The following PCDH9 variants were observed in gnomAD, a reference collection of about 807,000 sequenced individuals.
PCDH9 encodes protocadherin 9.
In PCDH9, 24 loss-of-function variants were observed where a neutral mutation model predicts 70.6. The observed-to-expected ratio is 0.34, with a 90% CI of 0.25 to 0.48. The LOEUF (loss-of-function observed/expected upper bound fraction) is 0.48, where lower values mean the gene tolerates loss of function less well. PCDH9 is among the 20% of genes least tolerant of loss of function. PCDH9 has a pLI of 0.99. For missense variants in PCDH9, 1,281 were observed against 1,503.6 expected, an observed-to-expected ratio of 0.85 and a Z score of 2.45; for synonymous variants, 562 against 558.5, an observed-to-expected ratio of 1.01 and a Z score of -0.09.
At chr13:66,876,034 T>G (rs2081801080) in intron 3 of PCDH9, among the ~76,000 whole-genome samples, 1 of 152,152 alleles carries the variant, frequency 6.6e-6, no homozygotes, top group Non-Finnish European at 1.5e-5. Flanking sequence ...CATCAAGACA[T>G]TAAATATCTT....
intron 3 of PCDH9, among the ~76,000 whole-genome samples, chr13:66,874,356 C>A (rs2081757897): frequency 6.6e-6 from 1 of 152,112 alleles, no homozygotes; most frequent in Non-Finnish European, 1.5e-5. Context: ...TTGAACATCA[C>A]ATGTAAGACT....
At chr13:67,193,500 G>A (rs1216019852) in intron 2 of PCDH9, among the ~76,000 whole-genome samples, 1 of 151,936 alleles carries the variant, frequency 6.6e-6, no homozygotes, top group Admixed American at 6.6e-5. Flanking sequence ...AGGAAAGTAA[G>A]CACAATATCT....
chr13:66,994,973 G>A (rs895240445), intron 2 of PCDH9, among the ~76,000 whole-genome samples: 2 of 152,094 alleles, frequency 1.3e-5, no homozygotes, highest in Non-Finnish European at 2.9e-5. Flanking sequence ...GAACATGCCT[G>A]CAATGAAAAA....
chr13:66,852,100 C>A (rs1020796550), intron 3 of PCDH9, among the ~76,000 whole-genome samples: 1 of 152,010 alleles, frequency 6.6e-6, no homozygotes, highest in Admixed American at 6.6e-5. Context: ...GCAATAAAGG[C>A]CCTATCTCCA....
chr13:66,445,594 T>TATATACACATATATATTA (rs1958067236), intron 4 of PCDH9, among the ~76,000 whole-genome samples: 1 of 132,854 alleles, frequency 7.5e-6, no homozygotes, highest in African/African-American at 3.2e-5. Context: ...CACATATATA[T>TATATACACATATATATTA]TATATACACA....
chr13:67,082,707 T>C (rs1455623881), intron 2 of PCDH9, among the ~76,000 whole-genome samples: 1 of 152,212 alleles, frequency 6.6e-6, no homozygotes, highest in Admixed American at 6.5e-5. Flanking sequence ...ATATCCAATT[T>C]ATTTCTTAAA....
chr13:67,188,226 A>C (rs527835095), intron 2 of PCDH9, among the ~76,000 whole-genome samples: 1 of 152,298 alleles, frequency 6.6e-6, no homozygotes, highest in East Asian at 1.9e-4. Context: ...TGAAATGGCA[A>C]GTCGCTTACC....
intron 2 of PCDH9, among the ~76,000 whole-genome samples, chr13:67,172,540 A>G (rs1423039769): frequency 6.6e-6 from 1 of 152,136 alleles, no homozygotes; most frequent in Admixed American, 6.5e-5. Flanking sequence ...AATTGAAGTG[A>G]TAACAGGGGC....
intron 3 of PCDH9, among the ~76,000 whole-genome samples, chr13:66,696,880 T>C (rs923615906): frequency 1.3e-5 from 2 of 151,154 alleles, no homozygotes; most frequent in Non-Finnish European, 2.9e-5. Flanking sequence ...GATGGGAGAT[T>C]GCTTGAGTCC....
intron 4 of PCDH9, among the ~76,000 whole-genome samples, chr13:66,521,329 C>T (rs1017756351): frequency 6.6e-6 from 1 of 152,012 alleles, no homozygotes; most frequent in Non-Finnish European, 1.5e-5. Flanking sequence ...TATTTTCCTG[C>T]ACAATTTGAA....
At chr13:66,724,464 A>G (rs917677950) in intron 3 of PCDH9, among the ~76,000 whole-genome samples, 1 of 152,098 alleles carries the variant, frequency 6.6e-6, no homozygotes, top group Non-Finnish European at 1.5e-5. Context: ...TTCCACCTCT[A>G]TTTACTCCCA....
Position 66,881,816 on chromosome 13 carries a change from CAG to C in PCDH9, c.3138+21686_3138+21687del, listed in dbSNP as rs555377090. Among the ~76,000 whole-genome samples, 556 of 152,052 alleles carry C rather than the reference CAG, an allele frequency of 3.7e-3. 5 individuals are homozygous for C. The highest frequency in any genetic ancestry group is 0.013 in the African/African-American group (530 of 41,464). Reference sequence around the variant, plus strand: ...ATAGAAATGGGACAAAGAAATAAAACAGTGTGTATATGGAATTTGGGGAAGGA... The same window carrying C: ...ATAGAAATGGGACAAAGAAATAAAACTGTGTATATGGAATTTGGGGAAGGA... On this transcript the variant is annotated intron_variant, in intron 3 of 4. Coordinates refer to ENST00000377865, the MANE Select transcript of PCDH9 (RefSeq NM_203487.3).
At chr13:66,458,840 T>A (rs1958367785) in intron 4 of PCDH9, among the ~76,000 whole-genome samples, 1 of 152,028 alleles carries the variant, frequency 6.6e-6, no homozygotes, top group South Asian at 2.1e-4. Flanking sequence ...ATAACTCTAA[T>A]TCAAATTATA....
At chr13:67,041,830 C>CAAAAAAAAAA (rs61557179) in intron 2 of PCDH9, among the ~76,000 whole-genome samples, 1 of 109,864 alleles carries the variant, frequency 9.1e-6, no homozygotes, top group African/African-American at 3.5e-5. Context: ...GACTCTGTCT[C>CAAAAAAAAAA]AAAAAAAAAA....
At chr13:66,440,696 AC>A (rs1957957291) in intron 4 of PCDH9, among the ~76,000 whole-genome samples, 1 of 152,030 alleles carries the variant, frequency 6.6e-6, no homozygotes, top group Non-Finnish European at 1.5e-5. Flanking sequence ...TGAGTAATAA[AC>A]CCTGTTGCAT....
intron 2 of PCDH9, among the ~76,000 whole-genome samples, chr13:67,159,108 A>C (rs893285467): frequency 6.6e-6 from 1 of 152,172 alleles, no homozygotes; most frequent in African/African-American, 2.4e-5. Flanking sequence ...CAGATCAGCA[A>C]AATTAGACGA....
At chr13:66,717,024 T>G (rs150712986) in intron 3 of PCDH9, among the ~76,000 whole-genome samples, 1 of 152,142 alleles carries the variant, frequency 6.6e-6, no homozygotes, top group Non-Finnish European at 1.5e-5. Context: ...ATTTTTCAAA[T>G]CACAGTGATT....
At chr13:66,926,665 C>T (rs377492640) in intron 2 of PCDH9, among the ~76,000 whole-genome samples, 75 of 152,142 alleles carry the variant, frequency 4.9e-4, no homozygotes, top group African/African-American at 1.7e-3. Context: ...AACTGTTTTA[C>T]CACCAAAGCA....
At chr13:67,192,005 GA>G (rs11301689) in intron 2 of PCDH9, among the ~76,000 whole-genome samples, 119,213 of 149,124 alleles carry the variant, frequency 0.8, 48,235 homozygotes, top group Middle Eastern at 0.91. Flanking sequence ...ACCTATTTCA[GA>G]AAAAAAAAAA....
Sources: allele counts gnomAD v4.1 joint callset (sites outside exome capture counted in the v4.1 genomes callset), GRCh38; gene constraint gnomAD v4.1.1; transcripts MANE v1.5; gene names NCBI Gene and HGNC (gene_info 2026-07-23, HGNC 2026-07-21).